The following TENM3 variants were observed in gnomAD, a reference collection of about 807,000 sequenced individuals.
TENM3 encodes the protein teneurin transmembrane protein 3.
Under a neutral mutation model 255.1 loss-of-function variants are expected in TENM3, and 63 were observed. The ratio of observed to expected loss-of-function variants is 0.25; its 90% CI spans 0.20 to 0.30. The LOEUF (loss-of-function observed/expected upper bound fraction) is 0.30. Ranked by LOEUF, TENM3 falls within the 10% of genes least tolerant of loss-of-function variation. The pLI is 1.00. For missense variants in TENM3, 2,929 were observed against 3,461.1 expected, an observed-to-expected ratio of 0.85 and a Z score of 3.86; for synonymous variants, 1,306 against 1,322.3, an observed-to-expected ratio of 0.99 and a Z score of 0.27.
At chr4:182,105,353 T>C in the TENM3 span, among the ~76,000 whole-genome samples, 1 of 151,710 alleles carries the variant, frequency 6.6e-6, no homozygotes, top group African/African-American at 2.4e-5. Context: ...CTGGGCTTAA[T>C]GCAAAGAGTT....
the TENM3 span, among the ~76,000 whole-genome samples, chr4:181,769,338 T>C: frequency 7.2e-5 from 11 of 152,214 alleles, no homozygotes; most frequent in Non-Finnish European, 1.3e-4. Context: ...GTGTTTAAAA[T>C]GTAAACTTTA....
At chr4:182,250,866 C>T (rs1276302090) in intron 1 of TENM3, among the ~76,000 whole-genome samples, 2 of 152,236 alleles carry the variant, frequency 1.3e-5, no homozygotes, top group African/African-American at 2.4e-5. Context: ...AGGTCTCCCG[C>T]ACCAACTGTC....
chr4:182,293,324 C>A (rs1437284269), intron 1 of TENM3, among the ~76,000 whole-genome samples: 2 of 152,226 alleles, frequency 1.3e-5, no homozygotes, highest in Admixed American at 6.5e-5. Context: ...AACAGTGGCA[C>A]CAGAAACGAC....
the TENM3 span, among the ~76,000 whole-genome samples, chr4:181,642,957 C>G: frequency 6.6e-6 from 1 of 152,036 alleles, no homozygotes; most frequent in South Asian, 2.1e-4. Flanking sequence ...CAGCTTTGTT[C>G]TTTTTGCTTA....
intron 12 of TENM3, among the ~76,000 whole-genome samples, chr4:182,704,822 C>T (rs998347749): frequency 1.5e-4 from 19 of 124,144 alleles, no homozygotes; most frequent in Middle Eastern, 8.1e-3. Context: ...TACACACAAA[C>T]TTTTTTTTTT....
At chr4:181,780,552 G>A in the TENM3 span, among the ~76,000 whole-genome samples, 3 of 152,182 alleles carry the variant, frequency 2.0e-5, no homozygotes, top group African/African-American at 7.2e-5. Flanking sequence ...TGTCAGATGA[G>A]TAGATCGCAA....
In TENM3 at chr4:182,361,500, A is replaced by T. The variant is rs147317927; in HGVS notation, c.511+14571A>T. Among the ~76,000 whole-genome samples the T allele has an allele frequency of 1.1e-3, 171 of 152,144 alleles. 1 individual carries two copies. The East Asian group carries it at 0.016, about 14-fold the overall frequency. Reference sequence around the variant, plus strand: ...TTCTATCCCTGATACCCTTTCTTCCAGTTGATCGCATCGGCTCCTGAGGCT... The same window carrying T: ...TTCTATCCCTGATACCCTTTCTTCCTGTTGATCGCATCGGCTCCTGAGGCT... On this transcript the variant is annotated intron_variant, in intron 3 of 27. Coordinates refer to ENST00000511685, the MANE Select transcript of TENM3 (RefSeq NM_001080477.4).
intron 24 of TENM3, among the ~76,000 whole-genome samples, chr4:182,777,391 A>T (rs1254841035): frequency 2.6e-5 from 4 of 152,082 alleles, no homozygotes; most frequent in Admixed American, 2.6e-4. Flanking sequence ...TCTTCCCAAG[A>T]GAGGGGCTAT....
At chr4:182,656,922 C>T (rs1361548374) in intron 6 of TENM3, among the ~76,000 whole-genome samples, 1 of 152,100 alleles carries the variant, frequency 6.6e-6, no homozygotes, top group Non-Finnish European at 1.5e-5. Context: ...TCTTTGCCTA[C>T]AGATTTTAGA....
chr4:181,625,995 A>G, the TENM3 span, among the ~76,000 whole-genome samples: 5 of 152,072 alleles, frequency 3.3e-5, no homozygotes, highest in Admixed American at 1.3e-4. Flanking sequence ...GGCAATGTGA[A>G]TAACCAATCT....
chr4:182,679,114 T>C (rs1755896821), intron 7 of TENM3, among the ~76,000 whole-genome samples: 1 of 151,998 alleles, frequency 6.6e-6, no homozygotes, highest in Non-Finnish European at 1.5e-5. Context: ...ATGTAGATGA[T>C]GGATTGATGG....
At chr4:181,491,435 C>A in the TENM3 span, among the ~76,000 whole-genome samples, 1 of 151,938 alleles carries the variant, frequency 6.6e-6, no homozygotes, top group East Asian at 1.9e-4. Flanking sequence ...TATATTTTCT[C>A]ATTTTCTCTG....
chr4:181,503,867 C>G, the TENM3 span, among the ~76,000 whole-genome samples: 1 of 152,154 alleles, frequency 6.6e-6, no homozygotes, highest in East Asian at 1.9e-4. Context: ...GTTCCTGCTC[C>G]GCTCGGAAGG....
intron 3 of TENM3, among the ~76,000 whole-genome samples, chr4:182,578,220 G>A (rs1412762067): frequency 1.3e-5 from 2 of 151,858 alleles, no homozygotes; most frequent in Admixed American, 6.6e-5. Context: ...CGTGATCCGC[G>A]CACTTAGGCC....
chr4:182,083,939 G>C, the TENM3 span, among the ~76,000 whole-genome samples: 12 of 152,016 alleles, frequency 7.9e-5, no homozygotes, highest in East Asian at 2.3e-3. Context: ...CAAAGCAGCT[G>C]TGAAGCTTTC....
intron 4 of TENM3, among the ~76,000 whole-genome samples, chr4:182,616,857 G>A (rs1749592606): frequency 6.6e-6 from 1 of 152,168 alleles, no homozygotes; most frequent in Admixed American, 6.5e-5. Context: ...ACCCAGCCTT[G>A]AGTAAGAACG....
chr4:181,703,140 G>A, the TENM3 span, among the ~76,000 whole-genome samples: 1 of 152,150 alleles, frequency 6.6e-6, no homozygotes, highest in Non-Finnish European at 1.5e-5. Flanking sequence ...AGCCAGACTC[G>A]CTGCTACTCA....
At chr4:182,375,640 C>T (rs1989712) in intron 3 of TENM3, among the ~76,000 whole-genome samples, 1 of 152,140 alleles carries the variant, frequency 6.6e-6, no homozygotes, top group Non-Finnish European at 1.5e-5. Flanking sequence ...CTCCCAGGTT[C>T]TAGCAGTTCT....
intron 1 of TENM3, among the ~76,000 whole-genome samples, chr4:182,314,181 G>A (rs1264134113): frequency 6.6e-6 from 1 of 152,060 alleles, no homozygotes; most frequent in Non-Finnish European, 1.5e-5. Context: ...AGCGCCTGTA[G>A]TCCCAGCTAC....
Sources: allele counts gnomAD v4.1 joint callset (sites outside exome capture counted in the v4.1 genomes callset), GRCh38; gene constraint gnomAD v4.1.1; transcripts MANE v1.5; gene names NCBI Gene and HGNC (gene_info 2026-07-23, HGNC 2026-07-21).